Variants in SPC25 observed in about 807,000 individuals in gnomAD.
SPC25 encodes kinetochore protein Spc25.
In SPC25, 22 loss-of-function variants were observed where a neutral mutation model predicts 29.6. That is an observed-to-expected ratio of 0.74 (90% CI 0.53 to 1.06). SPC25 has a LOEUF of 1.06. SPC25 is among the 50% of genes least tolerant of loss of function. The pLI is 0.00. For missense variants in SPC25, 230 were observed against 255.8 expected (o/e 0.90, Z 0.69); for synonymous variants, 91 against 90.4 (o/e 1.01, Z -0.04).
intron 5 of SPC25, 64 bp from the exon 6 acceptor site, chr2:168,873,747 A>G: frequency 9.6e-7 from 1 of 1,043,686 alleles, no homozygotes. Context: ...TTCTTACTCC[A>G]TCTTTGATCA....
rs146168468 is a variant in SPC25 at position 168,875,719 on chromosome 2, G to A, written c.451+353C>T. Reference sequence around the variant, plus strand: ...TGTGCTAAACAATAGGTAAATGGTTGAATAAATTATGCTATATTAATAGAA... The same window carrying A: ...TGTGCTAAACAATAGGTAAATGGTTAAATAAATTATGCTATATTAATAGAA... On this transcript the variant is annotated intron_variant, in intron 5 of 6. Transcript: ENST00000282074. Among the ~76,000 whole-genome samples, 739 of 152,086 alleles carry A rather than the reference G, an allele frequency of 4.9e-3. 8 individuals carry two copies. In the East Asian group the frequency reaches 0.053, roughly 11 times the overall value.
chr2:168,867,007 A>G (rs1212709838), downstream of SPC25, among the ~76,000 whole-genome samples: 1 of 152,166 alleles, frequency 6.6e-6, no homozygotes, highest in Non-Finnish European at 1.5e-5. Flanking sequence ...AGAAATAGGA[A>G]CACTTTTACA....
chr2:168,865,526 A>C (rs982246075), intron 4 of SPC25: 2 of 152,744 alleles, frequency 1.3e-5, no homozygotes, highest in Non-Finnish European at 1.5e-5. Flanking sequence ...TACTGAATGG[A>C]CAAAAACTGG....
Position 168,871,525 on chromosome 2 carries a change from A to C in SPC25, c.581T>G (p.Leu194Arg), listed in dbSNP as rs370890936. 5.0e-6 allele frequency: 8 copies of C among 1,602,562 alleles called. No homozygotes were observed. The African/African-American group carries it at 8.1e-5, about 16-fold the overall frequency. ...CCTTACATTCTCTTGAAATTCTGCT[A>C]GGCCCTCAAGATGAGGGGCACTATC... ...VSDSAPHLEGLAEFQENVRKT... is the reference protein window; with the variant it reads ...VSDSAPHLEGRAEFQENVRKT... Residue 194 changes from leucine to arginine, a missense_variant, in exon 7 of 7, where the codon CTA (leucine) becomes CGA (arginine). By Grantham distance (102) the Leu-to-Arg change is moderately radical (BLOSUM62 -2). Transcript: ENST00000282074.
chr2:168,883,053 G>T (rs1037310750), intron 3 of SPC25, among the ~76,000 whole-genome samples: 1 of 151,856 alleles, frequency 6.6e-6, no homozygotes, highest in Non-Finnish European at 1.5e-5. Context: ...AATAGGATAC[G>T]TGCAAATATT....
downstream of SPC25, among the ~76,000 whole-genome samples, chr2:168,868,771 A>G (rs1019703254): frequency 6.6e-6 from 1 of 152,254 alleles, no homozygotes; most frequent in African/African-American, 2.4e-5. Flanking sequence ...GAATTCTACC[A>G]GAGGTACAAG....
At chr2:168,872,342 T>G (rs913871198) in intron 6 of SPC25, among the ~76,000 whole-genome samples, 3 of 152,190 alleles carry the variant, frequency 2.0e-5, no homozygotes, top group Non-Finnish European at 2.9e-5. Context: ...ATTTTCCAAG[T>G]GAAATGGCAG....
chr2:168,884,621 T>C (rs1690228567), intron 3 of SPC25, among the ~76,000 whole-genome samples: 1 of 152,198 alleles, frequency 6.6e-6, no homozygotes, highest in Non-Finnish European at 1.5e-5. Flanking sequence ...ATTATTTCTC[T>C]CCTCTTTTAG....
At chr2:168,865,069 T>C in intron 4 of SPC25, 1 of 1,306,112 alleles carries the variant, frequency 7.7e-7, no homozygotes, top group East Asian at 2.3e-5. Context: ...GTTTTTCTTT[T>C]GAAATGGATG....
chr2:168,866,502 C>A (rs1689856064), downstream of SPC25, among the ~76,000 whole-genome samples: 1 of 151,846 alleles, frequency 6.6e-6, no homozygotes, highest in Non-Finnish European at 1.5e-5. Flanking sequence ...ACTTACATGT[C>A]AGACCTAAAA....
chr2:168,883,997 T>C (rs1373061948), intron 3 of SPC25, among the ~76,000 whole-genome samples: 1 of 152,044 alleles, frequency 6.6e-6, no homozygotes, highest in Non-Finnish European at 1.5e-5. Context: ...TCTTGATCTT[T>C]TGACCTCGTG....
rs575104219 is a variant in SPC25 at position 168,874,411 on chromosome 2, A to G, written c.452-728T>C. On this transcript the variant is annotated intron_variant, in intron 5 of 6. Transcript: ENST00000282074. ...TGAAAGAATTGAAAACGGAGACTCA[A>G]GTAGATAACTGTATGCCAATGTTCA... is the stretch of plus-strand genomic sequence containing the variant. Among the ~76,000 whole-genome samples the G allele has an allele frequency of 1.1e-4, 17 of 152,332 alleles. No individual in the cohort carries two copies. In the South Asian group the frequency reaches 2.3e-3, roughly 20 times the overall value.
intron 3 of SPC25, among the ~76,000 whole-genome samples, chr2:168,882,790 C>G (rs1434951904): frequency 1.3e-5 from 2 of 152,064 alleles, no homozygotes; most frequent in African/African-American, 2.4e-5. Context: ...AGATGAAACA[C>G]AGAATGCAGA....
chr2:168,863,429 AATG>A, intron 4 of SPC25: 1 of 985,106 alleles, frequency 1.0e-6, no homozygotes, highest in Non-Finnish European at 1.2e-6. Context: ...ATCACCTCAG[AATG>A]ATGCCAAATA....
chr2:168,864,252 C>A (rs1689700120), intron 4 of SPC25, among the ~76,000 whole-genome samples: 1 of 151,170 alleles, frequency 6.6e-6, no homozygotes, highest in Admixed American at 6.6e-5. Flanking sequence ...GCTGGGATTA[C>A]AGCTGTCAGC....
At chr2:168,862,165 C>A in intron 4 of SPC25, 3 of 847,906 alleles carry the variant, frequency 3.5e-6, no homozygotes, top group Non-Finnish European at 3.8e-6. Context: ...AATCAGTTCA[C>A]CCTTCTTGAA....
intron 5 of SPC25, 48 bp downstream of exon 5, chr2:168,876,024 G>A: frequency 9.3e-7 from 1 of 1,069,652 alleles, no homozygotes; most frequent in East Asian, 3.2e-5. Flanking sequence ...CTTAAGAAAA[G>A]ACATACTTTT....
intron 3 of SPC25, among the ~76,000 whole-genome samples, chr2:168,888,156 T>C (rs1252962451): frequency 2.0e-5 from 3 of 152,152 alleles, no homozygotes; most frequent in Admixed American, 2.0e-4. Context: ...TGTGCACCAG[T>C]GGTCCCAGCT....
chr2:168,863,496 T>G (rs1689614368), intron 4 of SPC25: 1 of 985,420 alleles, frequency 1.0e-6, no homozygotes, highest in Non-Finnish European at 1.2e-6. Flanking sequence ...GGGGCAGATC[T>G]TTCTACTTTT....
Sources: allele counts gnomAD v4.1 joint callset (sites outside exome capture counted in the v4.1 genomes callset), GRCh38; gene constraint gnomAD v4.1.1; transcripts MANE v1.5; gene names NCBI Gene and HGNC (gene_info 2026-07-23, HGNC 2026-07-21).